Variants in LUZP2 observed in about 807,000 individuals in gnomAD.
The protein encoded by LUZP2 is leucine zipper protein 2.
Under a neutral mutation model 51.6 loss-of-function variants are expected in LUZP2, and 52 were observed. The ratio of observed to expected loss-of-function variants is 1.01; its 90% CI spans 0.81 to 1.27. The LOEUF (loss-of-function observed/expected upper bound fraction) is 1.27, where lower values mean the gene tolerates loss of function less well. LUZP2 is among the 50% of genes most tolerant of loss of function. The pLI is 0.00. For missense variants in LUZP2, 436 were observed against 395.4 expected, an observed-to-expected ratio of 1.10 and a Z score of -0.87; for synonymous variants, 154 against 137.3, an observed-to-expected ratio of 1.12 and a Z score of -0.85.
intron 1 of LUZP2, among the ~76,000 whole-genome samples, chr11:24,512,967 AG>A (rs1850359017): frequency 1.3e-5 from 2 of 152,168 alleles, no homozygotes; most frequent in South Asian, 4.1e-4. Flanking sequence ...CACGTTGCCC[AG>A]GCTGGTCTTG....
chr11:24,948,566 A>C (rs1430929100), intron 7 of LUZP2, among the ~76,000 whole-genome samples: 1 of 151,652 alleles, frequency 6.6e-6, no homozygotes, highest in African/African-American at 2.4e-5. Flanking sequence ...AAAGCATGCT[A>C]TTCACAGGCT....
intron 1 of LUZP2, among the ~76,000 whole-genome samples, chr11:24,501,122 C>T (rs1490518133): frequency 1.3e-5 from 2 of 152,196 alleles, no homozygotes; most frequent in African/African-American, 2.4e-5. Flanking sequence ...TGACATTTTA[C>T]AGGATGCTAC....
chr11:24,752,636 A>G (rs915915486), intron 4 of LUZP2, among the ~76,000 whole-genome samples: 2 of 152,150 alleles, frequency 1.3e-5, no homozygotes, highest in African/African-American at 4.8e-5. Flanking sequence ...AATTTTCTAT[A>G]TTTTAACTTA....
At chr11:24,605,363 A>G (rs968219831) in intron 1 of LUZP2, among the ~76,000 whole-genome samples, 5 of 151,856 alleles carry the variant, frequency 3.3e-5, no homozygotes, top group African/African-American at 9.7e-5. Flanking sequence ...TTTATTACAT[A>G]AAACTTTTGA....
intron 5 of LUZP2, among the ~76,000 whole-genome samples, chr11:24,881,544 G>A (rs1314033162): frequency 1.3e-5 from 2 of 151,970 alleles, no homozygotes; most frequent in Non-Finnish European, 2.9e-5. Context: ...AATAATCAGA[G>A]GAAGTTGAAA....
intron 10 of LUZP2, among the ~76,000 whole-genome samples, chr11:25,055,913 A>G (rs1858673417): frequency 6.6e-6 from 1 of 152,176 alleles, no homozygotes; most frequent in Admixed American, 6.5e-5. Flanking sequence ...CAAAGGATCC[A>G]GTGAGATAGC....
intron 5 of LUZP2, among the ~76,000 whole-genome samples, chr11:24,814,843 T>A (rs1356418721): frequency 6.6e-6 from 1 of 151,924 alleles, no homozygotes; most frequent in African/African-American, 2.4e-5. Flanking sequence ...ATACAAAAAA[T>A]TAGCCAGGCG....
At chr11:24,897,507 T>C (rs1853117055) in intron 5 of LUZP2, among the ~76,000 whole-genome samples, 1 of 151,676 alleles carries the variant, frequency 6.6e-6, no homozygotes, top group African/African-American at 2.4e-5. Flanking sequence ...AACAAACAAC[T>C]CCCGAGGCGC....
chr11:24,726,390 G>C (rs865983332), intron 1 of LUZP2, among the ~76,000 whole-genome samples: 2 of 151,688 alleles, frequency 1.3e-5, no homozygotes, highest in Admixed American at 6.6e-5. Context: ...CAATTTACCA[G>C]CACATATTGA....
intron 9 of LUZP2, among the ~76,000 whole-genome samples, chr11:25,012,425 C>T (rs192044604): frequency 3.4e-4 from 52 of 152,288 alleles, no homozygotes; most frequent in African/African-American, 1.2e-3. Context: ...CTTCCGTCTA[C>T]ATCTATTCTT....
chr11:24,948,831 CT>C (rs1385236998), intron 7 of LUZP2, among the ~76,000 whole-genome samples: 1,430 of 95,776 alleles, frequency 0.015, 13 homozygotes, highest in African/African-American at 0.068. Flanking sequence ...TATCATCTAT[CT>C]ATCTATCTAT....
chr11:24,828,528 A>T (rs542664470), intron 5 of LUZP2, among the ~76,000 whole-genome samples: 16 of 150,258 alleles, frequency 1.1e-4, no homozygotes, highest in Non-Finnish European at 1.9e-4. Flanking sequence ...TGCACTACAG[A>T]TACCTTGCAC....
intron 7 of LUZP2, among the ~76,000 whole-genome samples, chr11:24,964,051 A>C (rs1485820545): frequency 6.6e-6 from 1 of 152,174 alleles, no homozygotes; most frequent in African/African-American, 2.4e-5. Context: ...GTCACACAGG[A>C]ATTCTATTTT....
At chr11:24,702,947 C>A (rs1397882573) in intron 1 of LUZP2, among the ~76,000 whole-genome samples, 1 of 152,110 alleles carries the variant, frequency 6.6e-6, no homozygotes, top group East Asian at 1.9e-4. Flanking sequence ...TAAAAGCATG[C>A]ACATATATAT....
intron 9 of LUZP2, among the ~76,000 whole-genome samples, chr11:25,025,820 G>A (rs1269482158): frequency 6.6e-6 from 1 of 152,170 alleles, no homozygotes; most frequent in African/African-American, 2.4e-5. Flanking sequence ...TATAAATCAT[G>A]CTGCTATAAA....
At chr11:24,805,569 T>A (rs1849830541) in intron 5 of LUZP2, among the ~76,000 whole-genome samples, 1 of 152,182 alleles carries the variant, frequency 6.6e-6, no homozygotes. Flanking sequence ...AGAAATCTGC[T>A]TGTTGACTTA....
At chr11:25,000,959 TCTGGTTC>T (rs1473238287) in intron 9 of LUZP2, among the ~76,000 whole-genome samples, 6 of 152,144 alleles carry the variant, frequency 3.9e-5, no homozygotes, top group African/African-American at 1.4e-4. Context: ...AACTGGCTAT[TCTGGTTC>T]CTGTAGCAGT....
chr11:25,002,413 G>A (rs1856709872), intron 9 of LUZP2, among the ~76,000 whole-genome samples: 1 of 152,194 alleles, frequency 6.6e-6, no homozygotes, highest in African/African-American at 2.4e-5. Context: ...GGAGAAAAGT[G>A]GCAGGGTTGA....
At chr11:24,755,153 G>GA (rs926716487) in intron 4 of LUZP2, among the ~76,000 whole-genome samples, 220 of 139,414 alleles carry the variant, frequency 1.6e-3, no homozygotes, top group African/African-American at 4.5e-3. Flanking sequence ...CTAAAAAACA[G>GA]AAAAAAAAAA....
Sources: gnomAD v4.1 joint callset for allele counts (sites outside exome capture counted in the v4.1 genomes callset) on GRCh38, gnomAD v4.1.1 for gene constraint, MANE v1.5 for transcripts, NCBI Gene and HGNC (gene_info 2026-07-23, HGNC 2026-07-21) for gene names.